GRIA4: variants seen among roughly 807,000 people sequenced by gnomAD.
The protein encoded by GRIA4 is glutamate receptor 4.
A neutral mutation model predicts 104.0 loss-of-function variants in GRIA4; 34 were observed. That is an observed-to-expected ratio of 0.33 (90% CI 0.25 to 0.44). GRIA4 has a LOEUF of 0.44. Ranked by LOEUF, GRIA4 falls within the 20% of genes least tolerant of loss-of-function variation. The pLI, the probability that GRIA4 is intolerant of heterozygous loss-of-function variation, is 1.00. For synonymous variants in GRIA4, 386 were observed against 381.9 expected, an observed-to-expected ratio of 1.01 and a Z score of -0.13; for missense variants, 750 against 1,096.5, an observed-to-expected ratio of 0.68 and a Z score of 4.46.
At position 105,681,353 on chromosome 11, in the gene GRIA4, A is replaced by G. The variant is rs889447580; in HGVS notation, c.247+68919A>G. 2.0e-5 allele frequency among the ~76,000 whole-genome samples: 3 copies of G among 152,172 alleles called. No homozygotes were observed. In the East Asian group the frequency reaches 5.8e-4, roughly 29 times the overall value. On this transcript the variant is annotated intron_variant, in intron 3 of 16. Transcript: ENST00000282499. Reference sequence around the variant, plus strand: ...AATTCAATTTGTTTACTGTTTTCTGAAGTTCATGATATTCCTTTTTTATAT... The same window carrying G: ...AATTCAATTTGTTTACTGTTTTCTGGAGTTCATGATATTCCTTTTTTATAT...
intron 3 of GRIA4, among the ~76,000 whole-genome samples, chr11:105,651,108 T>A (rs1332467902): frequency 6.6e-6 from 1 of 152,174 alleles, no homozygotes; most frequent in East Asian, 1.9e-4. Context: ...AAGTAACTTA[T>A]TAAATACAAG....
intron 3 of GRIA4, among the ~76,000 whole-genome samples, chr11:105,714,629 AATTAT>A (rs1954028205): frequency 6.6e-6 from 1 of 152,138 alleles, no homozygotes; most frequent in African/African-American, 2.4e-5. Flanking sequence ...ATTTTCAAAT[AATTAT>A]ATTATTCAGA....
intron 3 of GRIA4, among the ~76,000 whole-genome samples, chr11:105,747,668 T>C (rs1003241401): frequency 6.6e-6 from 1 of 152,142 alleles, no homozygotes; most frequent in African/African-American, 2.4e-5. Context: ...AGTTTACTAT[T>C]GGGAGAGATG....
chr11:105,702,821 T>C (rs1367509321), intron 3 of GRIA4, among the ~76,000 whole-genome samples: 1 of 148,834 alleles, frequency 6.7e-6, no homozygotes, highest in Non-Finnish European at 1.5e-5. Context: ...CAGCCTCCCA[T>C]GTAGCTGGGA....
At chr11:105,895,390 G>A (rs1026090037) in intron 6 of GRIA4, among the ~76,000 whole-genome samples, 1 of 151,844 alleles carries the variant, frequency 6.6e-6, no homozygotes, top group Non-Finnish European at 1.5e-5. Context: ...TTTATTGAGT[G>A]TGGATTTTTA....
intron 4 of GRIA4, among the ~76,000 whole-genome samples, chr11:105,767,151 G>T (rs1940982544): frequency 6.6e-6 from 1 of 152,082 alleles, no homozygotes; most frequent in Admixed American, 6.6e-5. Flanking sequence ...ATTTAAAAAT[G>T]GGGAACAATA....
intron 4 of GRIA4, among the ~76,000 whole-genome samples, chr11:105,782,296 G>GT (rs1941764205): frequency 6.6e-6 from 1 of 152,168 alleles, no homozygotes. Flanking sequence ...ATCGAGATAT[G>GT]TTTGGTGTTA....
At chr11:105,754,117 G>A (rs1401633266) in intron 4 of GRIA4, among the ~76,000 whole-genome samples, 2 of 152,040 alleles carry the variant, frequency 1.3e-5, no homozygotes, top group Non-Finnish European at 2.9e-5. Context: ...TCCTGCCTTC[G>A]TCTTTTGGTA....
intron 3 of GRIA4, among the ~76,000 whole-genome samples, chr11:105,736,848 A>G (rs1192960541): frequency 6.6e-6 from 1 of 152,116 alleles, no homozygotes; most frequent in Non-Finnish European, 1.5e-5. Context: ...TGCCTTTAAG[A>G]TTAAGATTAT....
chr11:105,698,825 G>T (rs998811391), intron 3 of GRIA4, among the ~76,000 whole-genome samples: 1 of 152,182 alleles, frequency 6.6e-6, no homozygotes, highest in African/African-American at 2.4e-5. Flanking sequence ...GGAATGACAG[G>T]ACTTTTCACT....
intron 4 of GRIA4, among the ~76,000 whole-genome samples, chr11:105,759,527 C>T (rs1940500103): frequency 6.6e-6 from 1 of 152,140 alleles, no homozygotes; most frequent in African/African-American, 2.4e-5. Flanking sequence ...CTTCTCATTA[C>T]TCTTCATATA....
At position 105,628,540 on chromosome 11, in the gene GRIA4, G is replaced by A. The variant is rs577464096; in HGVS notation, c.247+16106G>A. 6.6e-5 allele frequency among the ~76,000 whole-genome samples: 10 copies of A among 152,086 alleles called. 1 individual carries two copies. The South Asian group carries it at 1.9e-3, about 28-fold the overall frequency. On this transcript the variant is annotated intron_variant, in intron 3 of 16. Transcript: ENST00000282499. ...TATAAGGGGATTTCTCTCTTTGCTCGGCACTTCTCTTTCCTGTCTTCATAT... is the reference window on the plus strand; with the variant it reads ...TATAAGGGGATTTCTCTCTTTGCTCAGCACTTCTCTTTCCTGTCTTCATAT...
chr11:105,787,981 G>T (rs1193193432), intron 4 of GRIA4, among the ~76,000 whole-genome samples: 1 of 152,078 alleles, frequency 6.6e-6, no homozygotes, highest in African/African-American at 2.4e-5. Context: ...ACAAAGAAGA[G>T]CTTCTCCCCT....
intron 10 of GRIA4, chr11:105,912,533 A>AATATAT: frequency 3.8e-6 from 1 of 259,932 alleles, no homozygotes; most frequent in East Asian, 1.8e-4. Context: ...TATATATATA[A>AATATAT]ATATATATAT....
chr11:105,827,585 C>T (rs1348488818), intron 4 of GRIA4, among the ~76,000 whole-genome samples: 1 of 151,846 alleles, frequency 6.6e-6, no homozygotes, highest in Non-Finnish European at 1.5e-5. Context: ...TCTGGTACCA[C>T]CGTCATTCAT....
chr11:105,656,050 T>C (rs1193440536), intron 3 of GRIA4, among the ~76,000 whole-genome samples: 1 of 152,162 alleles, frequency 6.6e-6, no homozygotes, highest in South Asian at 2.1e-4. Context: ...TGGTATTTCA[T>C]TGTGGTTTTG....
intron 4 of GRIA4, among the ~76,000 whole-genome samples, chr11:105,859,766 T>C (rs941024372): frequency 5.3e-5 from 8 of 152,090 alleles, no homozygotes; most frequent in African/African-American, 1.7e-4. Flanking sequence ...GGTATGATGA[T>C]AAATAAAAGG....
intron 14 of GRIA4, among the ~76,000 whole-genome samples, chr11:105,953,662 T>A (rs1013169158): frequency 6.6e-6 from 1 of 150,968 alleles, no homozygotes; most frequent in Non-Finnish European, 1.5e-5. Context: ...TATACATACA[T>A]ACACACACAC....
intron 6 of GRIA4, among the ~76,000 whole-genome samples, chr11:105,894,197 C>G (rs985304186): frequency 3.9e-5 from 6 of 152,070 alleles, no homozygotes; most frequent in African/African-American, 1.4e-4. Context: ...ATTACACTGC[C>G]TTTCCTATAG....
Sources: allele counts gnomAD v4.1 joint callset (sites outside exome capture counted in the v4.1 genomes callset), GRCh38; gene constraint gnomAD v4.1.1; transcripts MANE v1.5; gene names NCBI Gene and HGNC (gene_info 2026-07-23, HGNC 2026-07-21).